Variants in MAML3 observed in about 807,000 individuals in gnomAD.
MAML3 encodes the protein mastermind-like protein 3.
In MAML3, 27 loss-of-function variants were observed where a neutral mutation model predicts 101.9. The observed-to-expected ratio is 0.27, with a 90% confidence interval of 0.20 to 0.37. MAML3 has a LOEUF of 0.37. Ranked by LOEUF, MAML3 falls within the 10% of genes least tolerant of loss-of-function variation. MAML3 has a pLI of 1.00. For missense variants in MAML3, 1,316 were observed against 1,444.9 expected, an observed-to-expected ratio of 0.91 and a Z score of 1.45; for synonymous variants, 501 against 555.9, an observed-to-expected ratio of 0.90 and a Z score of 1.39.
At chr4:139,937,531 C>G (rs1317679459) in intron 1 of MAML3, among the ~76,000 whole-genome samples, 1 of 151,938 alleles carries the variant, frequency 6.6e-6, no homozygotes, top group African/African-American at 2.4e-5. Flanking sequence ...GGATTACAGG[C>G]ATCTACCACC....
At chr4:139,933,397 G>A (rs934662169) in intron 1 of MAML3, among the ~76,000 whole-genome samples, 1 of 152,188 alleles carries the variant, frequency 6.6e-6, no homozygotes, top group African/African-American at 2.4e-5. Flanking sequence ...GTCAAGAGAC[G>A]AAAACACCCC....
intron 2 of MAML3, among the ~76,000 whole-genome samples, chr4:139,883,400 C>A (rs1732256500): frequency 6.6e-6 from 1 of 152,140 alleles, no homozygotes. Flanking sequence ...AAAAGCTATA[C>A]AAGTAAGGAA....
chr4:139,746,610 C>CG (rs1420619766), intron 2 of MAML3, among the ~76,000 whole-genome samples: 1 of 152,160 alleles, frequency 6.6e-6, no homozygotes, highest in Non-Finnish European at 1.5e-5. Context: ...TCTCGCTCTG[C>CG]GGGCCCCTCG....
At chr4:139,859,901 G>A (rs1457803632) in intron 2 of MAML3, among the ~76,000 whole-genome samples, 3 of 152,194 alleles carry the variant, frequency 2.0e-5, no homozygotes, top group Non-Finnish European at 4.4e-5. Context: ...TAGGGAAACC[G>A]TCTGTACGAG....
chr4:139,790,216 C>CATTAT (rs1730380725), intron 2 of MAML3, among the ~76,000 whole-genome samples: 3 of 110,260 alleles, frequency 2.7e-5, no homozygotes, highest in Non-Finnish European at 5.3e-5. Context: ...ACCCTAGTGA[C>CATTAT]ATATATATAT....
intron 2 of MAML3, among the ~76,000 whole-genome samples, chr4:139,827,761 T>G (rs1731087855): frequency 6.6e-6 from 1 of 152,244 alleles, no homozygotes; most frequent in African/African-American, 2.4e-5. Flanking sequence ...AGCCACGATT[T>G]AAAATGGTTT....
At chr4:139,893,664 A>G (rs1732547412) in intron 1 of MAML3, among the ~76,000 whole-genome samples, 1 of 152,134 alleles carries the variant, frequency 6.6e-6, no homozygotes, top group African/African-American at 2.4e-5. Context: ...CAGCCTCTAC[A>G]TTCCTGGTTT....
intron 1 of MAML3, among the ~76,000 whole-genome samples, chr4:139,992,433 T>C (rs1356922582): frequency 6.6e-6 from 1 of 152,232 alleles, no homozygotes; most frequent in African/African-American, 2.4e-5. Context: ...CACTTTTTTT[T>C]CCCAAAACGG....
chr4:139,818,623 T>C (rs1164624747), intron 2 of MAML3, among the ~76,000 whole-genome samples: 2 of 152,070 alleles, frequency 1.3e-5, no homozygotes, highest in African/African-American at 2.4e-5. Context: ...CCAATGAGAG[T>C]TGGAGAAAAA....
At chr4:139,732,830 T>G (rs1728779953) in intron 2 of MAML3, among the ~76,000 whole-genome samples, 1 of 152,204 alleles carries the variant, frequency 6.6e-6, no homozygotes, top group Non-Finnish European at 1.5e-5. Flanking sequence ...ATAAGTGTAC[T>G]GCGTTCTATT....
intron 1 of MAML3, among the ~76,000 whole-genome samples, chr4:139,941,097 G>A (rs1030901867): frequency 6.6e-6 from 1 of 152,194 alleles, no homozygotes; most frequent in African/African-American, 2.4e-5. Context: ...TCAATATGAT[G>A]AGTTAGTACT....
intron 2 of MAML3, among the ~76,000 whole-genome samples, chr4:139,816,197 A>C (rs1235735858): frequency 6.6e-6 from 1 of 152,130 alleles, no homozygotes; most frequent in Non-Finnish European, 1.5e-5. Flanking sequence ...AAGAAGAAAG[A>C]AGCACCGTGC....
At chr4:139,775,369 T>G (rs2111073038) in intron 2 of MAML3, among the ~76,000 whole-genome samples, 1 of 152,176 alleles carries the variant, frequency 6.6e-6, no homozygotes, top group Non-Finnish European at 1.5e-5. Context: ...GAGTAACCCT[T>G]CAATAGAGCG....
At chr4:139,824,849 G>A (rs774455689) in intron 2 of MAML3, among the ~76,000 whole-genome samples, 1 of 140,358 alleles carries the variant, frequency 7.1e-6, no homozygotes, top group Non-Finnish European at 1.5e-5. Context: ...TACCACCCCC[G>A]CCCCAGCCCA....
chr4:139,807,646 G>A (rs1400897674), intron 2 of MAML3, among the ~76,000 whole-genome samples: 1 of 152,190 alleles, frequency 6.6e-6, no homozygotes, highest in East Asian at 1.9e-4. Flanking sequence ...AGAGCCTTGT[G>A]GTGGAAAACA....
intron 1 of MAML3, among the ~76,000 whole-genome samples, chr4:139,972,697 T>C (rs886421513): frequency 1.3e-5 from 2 of 152,244 alleles, no homozygotes; most frequent in African/African-American, 4.8e-5. Context: ...CACAGAAGTA[T>C]GCACTGAAAA....
chr4:139,737,406 A>G (rs1487198080), intron 2 of MAML3, among the ~76,000 whole-genome samples: 2 of 151,546 alleles, frequency 1.3e-5, no homozygotes, highest in African/African-American at 2.4e-5. Context: ...TGACCATAAC[A>G]TGCATCTGGT....
chr4:139,777,986 G>A (rs1462445984), intron 2 of MAML3, among the ~76,000 whole-genome samples: 1 of 152,098 alleles, frequency 6.6e-6, no homozygotes, highest in African/African-American at 2.4e-5. Flanking sequence ...GGCTCCTTTT[G>A]TCATTCTGTC....
intron 1 of MAML3, among the ~76,000 whole-genome samples, chr4:140,069,664 G>GAGAA (rs1217744373): frequency 3.3e-5 from 5 of 149,476 alleles, no homozygotes; most frequent in South Asian, 2.1e-4. Context: ...GAAGGAGAAG[G>GAGAA]AGAAAGAAAG....
Sources: gnomAD v4.1 joint callset for allele counts (sites outside exome capture counted in the v4.1 genomes callset) on GRCh38, gnomAD v4.1.1 for gene constraint, MANE v1.5 for transcripts, NCBI Gene and HGNC (gene_info 2026-07-23, HGNC 2026-07-21) for gene names.